PVT1: variants seen among roughly 807,000 people sequenced by gnomAD.
PVT1 encodes Pvt1 oncogene, also known as CXCR4/PVT1 fusion.
chr8:127,929,521 CT>C (rs1273247728), intron 3 of PVT1, among the ~76,000 whole-genome samples: 1 of 152,156 alleles, frequency 6.6e-6, no homozygotes, highest in Non-Finnish European at 1.5e-5. Flanking sequence ...AAATAAAACA[CT>C]TTGGGAGGCC....
intron 4 of PVT1, among the ~76,000 whole-genome samples, chr8:128,028,806 GA>G (rs908137987): frequency 4.6e-5 from 7 of 152,156 alleles, no homozygotes; most frequent in African/African-American, 1.7e-4. Flanking sequence ...TCGTGTGAAA[GA>G]GGGGTCTCCT....
chr8:127,896,162 A>G (rs974287390), intron 3 of PVT1, among the ~76,000 whole-genome samples: 1 of 152,208 alleles, frequency 6.6e-6, no homozygotes, highest in African/African-American at 2.4e-5. Context: ...TAGTTTCCTT[A>G]CTGTTCATTC....
chr8:128,025,150 G>T (rs1462791861), intron 4 of PVT1, among the ~76,000 whole-genome samples: 2 of 152,236 alleles, frequency 1.3e-5, no homozygotes, highest in African/African-American at 4.8e-5. Flanking sequence ...GCGCAGGCCA[G>T]GCAGGAGCCC....
chr8:127,994,193 C>A lies in PVT1; in HGVS notation n.912+4902C>A, dbSNP rs576820643. Among the ~76,000 whole-genome samples the A allele has an allele frequency of 3.3e-5, 5 of 152,354 alleles. No homozygotes were observed. In the South Asian group the frequency reaches 1.0e-3, roughly 32 times the overall value. ...GCCCACTCCTAGTCCCTTCTTTCAG[C>A]TCTGTTTCTTCTGAAAATGAGGATC... On this transcript the variant is annotated intron_variant and non_coding_transcript_variant, in intron 4 of 10. Coordinates refer to ENST00000651587, the Ensembl canonical transcript of PVT1.
intron 3 of PVT1, among the ~76,000 whole-genome samples, chr8:127,923,652 C>T (rs149907759): frequency 2.0e-5 from 3 of 152,324 alleles, no homozygotes; most frequent in African/African-American, 7.2e-5. Context: ...ATTAAAAGCG[C>T]TGAGACTCTG....
At chr8:127,809,140 T>C (rs953034138) in intron 2 of PVT1, among the ~76,000 whole-genome samples, 1 of 151,608 alleles carries the variant, frequency 6.6e-6, no homozygotes, top group African/African-American at 2.4e-5. Context: ...TTCCAAACTG[T>C]GCTCAGGCAT....
At chr8:127,851,294 T>TC (rs1815104880) in intron 2 of PVT1, among the ~76,000 whole-genome samples, 1 of 152,086 alleles carries the variant, frequency 6.6e-6, no homozygotes, top group South Asian at 2.1e-4. Flanking sequence ...GGTTTTTGTT[T>TC]CCCCCTTTCT....
intron 2 of PVT1, among the ~76,000 whole-genome samples, chr8:127,845,009 G>A (rs1815015870): frequency 6.6e-6 from 1 of 152,196 alleles, no homozygotes; most frequent in African/African-American, 2.4e-5. Context: ...TACCACGCCC[G>A]GCCGGAGGTG....
chr8:127,895,308 T>C (rs1815661766), intron 3 of PVT1, among the ~76,000 whole-genome samples: 1 of 152,050 alleles, frequency 6.6e-6, no homozygotes, highest in South Asian at 2.1e-4. Flanking sequence ...CCATCACTAC[T>C]AAAAATAGAA....
At chr8:127,863,078 T>TTTTATTA (rs1815245688) in intron 2 of PVT1, among the ~76,000 whole-genome samples, 1 of 142,058 alleles carries the variant, frequency 7.0e-6, no homozygotes, top group Admixed American at 7.2e-5. Flanking sequence ...CAGTTGCTAG[T>TTTTATTA]TTTATTTATT....
intron 2 of PVT1, among the ~76,000 whole-genome samples, chr8:127,817,384 TCTA>T (rs1308415618): frequency 4.3e-5 from 2 of 46,516 alleles, no homozygotes; most frequent in Admixed American, 4.5e-4. Flanking sequence ...AATATATATA[TCTA>T]TTTAATATAT....
At position 127,984,995 on chromosome 8, in the gene PVT1, T is replaced by C. The variant is rs539841222; in HGVS notation, n.783-4167T>C. On this transcript the variant is annotated intron_variant and non_coding_transcript_variant, in intron 3 of 10. Coordinates refer to ENST00000651587, the Ensembl canonical transcript of PVT1. ...CCTTCCTTCCTTTCTTTCTTTCTCT[T>C]TCCTTCCTTCCTTCCTTCCTTCCTT... Among the ~76,000 whole-genome samples, 239 of 43,346 alleles carry C rather than the reference T, an allele frequency of 5.5e-3. 1 individual carries two copies. The highest frequency in any genetic ancestry group is 0.041 in the African/African-American group (212 of 5,130). 28.4% of individuals were successfully genotyped at this position (43,346 alleles called of 152,430 possible).
chr8:127,990,870 A>AT (rs1433736608), intron 4 of PVT1, among the ~76,000 whole-genome samples: 25 of 152,132 alleles, frequency 1.6e-4, no homozygotes, highest in African/African-American at 6.0e-4. Flanking sequence ...GGTGGAGGGG[A>AT]TTTTCTCCAT....
intron 5 of PVT1, among the ~76,000 whole-genome samples, chr8:128,080,440 G>A (rs1358553425): frequency 6.6e-6 from 1 of 152,100 alleles, no homozygotes; most frequent in East Asian, 1.9e-4. Context: ...GGTGTGTAGT[G>A]GTATCTAATT....
intron 4 of PVT1, among the ~76,000 whole-genome samples, chr8:128,001,789 C>T (rs1817179978): frequency 6.6e-6 from 1 of 152,178 alleles, no homozygotes; most frequent in Non-Finnish European, 1.5e-5. Context: ...CTGGTGAGAA[C>T]CTGCTTCTTG....
At chr8:127,849,379 T>A (rs955024750) in intron 2 of PVT1, among the ~76,000 whole-genome samples, 4 of 152,054 alleles carry the variant, frequency 2.6e-5, no homozygotes, top group Non-Finnish European at 5.9e-5. Context: ...TTCCACTTAT[T>A]GAGGATTAGG....
In PVT1 at chr8:128,041,107, A is replaced by C. The variant is rs914393723; in HGVS notation, n.913-29053A>C. On this transcript the variant is annotated intron_variant and non_coding_transcript_variant, in intron 4 of 10. Transcript: ENST00000651587. ...ATATGTTTGTGTGTGCTTGTGTGTG[A>C]TTGTGTGTATATGTTTGTGCATGTG... Among the ~76,000 whole-genome samples the C allele has an allele frequency of 6.6e-5, 7 of 105,660 alleles. No individual in the cohort carries two copies. The East Asian group carries it at 8.5e-4, about 13-fold the overall frequency. 69.3% of individuals were successfully genotyped at this position (105,660 alleles called of 152,430 possible). A position where few individuals can be genotyped will look rare whatever the true frequency, so the allele number is the denominator to read the frequency against.
intron 2 of PVT1, among the ~76,000 whole-genome samples, chr8:127,800,877 G>A (rs1563608775): frequency 6.6e-6 from 1 of 152,230 alleles, no homozygotes; most frequent in South Asian, 2.1e-4. Flanking sequence ...AGATTATGAA[G>A]TGCTGTGGGA....
intron 5 of PVT1, among the ~76,000 whole-genome samples, chr8:128,089,852 T>C (rs1251712045): frequency 6.6e-6 from 1 of 152,182 alleles, no homozygotes; most frequent in South Asian, 2.1e-4. Context: ...TAGAGAATGA[T>C]TTCATGAAGA....
Sources: allele counts gnomAD v4.1 joint callset (sites outside exome capture counted in the v4.1 genomes callset), GRCh38; gene constraint gnomAD v4.1.1; transcripts MANE v1.5; gene names NCBI Gene and HGNC (gene_info 2026-07-23, HGNC 2026-07-21).